The following IGFL2 variants were observed in gnomAD, a reference collection of about 807,000 sequenced individuals.
The protein encoded by IGFL2 is insulin growth factor-like family member 2.
Under a neutral mutation model 13.9 loss-of-function variants are expected in IGFL2, and 7 were observed. That is an observed-to-expected ratio of 0.51 (90% CI 0.29 to 0.95). The LOEUF (loss-of-function observed/expected upper bound fraction) is 0.95. Ranked by LOEUF, IGFL2 falls within the 40% of genes least tolerant of loss-of-function variation. The probability of loss-of-function intolerance (pLI) is 0.08; values close to 1 mark genes in which losing one functional copy is unlikely to be tolerated. For missense variants in IGFL2, 138 were observed against 147.8 expected (o/e 0.93, Z 0.34); for synonymous variants, 55 against 55.8 (o/e 0.99, Z 0.07).
Position 46,160,749 on chromosome 19 carries a change from G to A in IGFL2, c.209G>A (p.Cys70Tyr), listed in dbSNP as rs771621679. ...GAGACCCGCCAATGTGGTCCCCCCT[G>A]CACCTTCTGGCCCTGCTTTGAGCTC... ...LSETRQCGPP[C>Y]TFWPCFELCC... is the part of the protein sequence containing the mutation. The change falls in exon 3 of 4, where the codon TGC becomes TAC. Residue 70 changes from cysteine to tyrosine, a missense_variant. By Grantham distance (194) the Cys-to-Tyr change is radical. Transcript: ENST00000377693. 1 of 1,614,038 alleles carries A rather than the reference G, an allele frequency of 6.2e-7. No individual in the cohort carries two copies. Among genetic ancestry groups the A allele is most frequent in the Admixed American group, 1.7e-5 (1 of 60,014 alleles).
At chr19:46,200,472 C>CT in the IGFL2 span, among the ~76,000 whole-genome samples, 3 of 48,544 alleles carry the variant, frequency 6.2e-5, no homozygotes, top group Middle Eastern at 0.014. Context: ...CCACACCTGG[C>CT]CCTTTTCTTT....
the IGFL2 span, among the ~76,000 whole-genome samples, chr19:46,199,418 G>A: frequency 1.3e-5 from 2 of 152,192 alleles, no homozygotes; most frequent in Non-Finnish European, 2.9e-5. Context: ...ACAATGGATT[G>A]GATAGGGTTG....
chr19:46,093,516 T>C, the IGFL2 span, among the ~76,000 whole-genome samples: 1 of 152,200 alleles, frequency 6.6e-6, no homozygotes, highest in Admixed American at 6.5e-5. Context: ...CTATTTTCAC[T>C]ACTTCTATTC....
the IGFL2 span, among the ~76,000 whole-genome samples, chr19:46,081,201 C>G: frequency 6.6e-6 from 1 of 152,028 alleles, no homozygotes; most frequent in African/African-American, 2.4e-5. Context: ...GTGAAGGCAC[C>G]CTGATTGCAT....
At chr19:46,185,423 T>G in the IGFL2 span, among the ~76,000 whole-genome samples, 1 of 152,324 alleles carries the variant, frequency 6.6e-6, no homozygotes, top group South Asian at 2.1e-4. Context: ...TGGGGAGATT[T>G]AGGCACCCGC....
At chr19:46,118,888 A>G in the IGFL2 span, among the ~76,000 whole-genome samples, 1 of 152,170 alleles carries the variant, frequency 6.6e-6, no homozygotes, top group Non-Finnish European at 1.5e-5. Context: ...GTTTAAGTTC[A>G]GGCTGTGCCC....
chr19:46,119,193 C>T, the IGFL2 span, among the ~76,000 whole-genome samples: 5 of 152,116 alleles, frequency 3.3e-5, no homozygotes, highest in East Asian at 3.9e-4. Flanking sequence ...ACAGGGTAGT[C>T]CAAGCTCTCC....
At chr19:46,126,001 A>G in the IGFL2 span, among the ~76,000 whole-genome samples, 1 of 152,182 alleles carries the variant, frequency 6.6e-6, no homozygotes, top group Non-Finnish European at 1.5e-5. Flanking sequence ...TTGAAGGGAT[A>G]ATTTTTAATG....
the IGFL2 span, among the ~76,000 whole-genome samples, chr19:46,184,153 T>C: frequency 6.6e-6 from 1 of 152,244 alleles, no homozygotes; most frequent in African/African-American, 2.4e-5. Flanking sequence ...TCAACACATG[T>C]ATAATTTTGC....
chr19:46,157,760 A>G (rs1480582847), intron 1 of IGFL2, among the ~76,000 whole-genome samples: 1 of 152,208 alleles, frequency 6.6e-6, no homozygotes, highest in East Asian at 1.9e-4. Flanking sequence ...TATTCAGTGT[A>G]TTGCTGGACA....
At chr19:46,094,162 G>A in the IGFL2 span, among the ~76,000 whole-genome samples, 1 of 151,092 alleles carries the variant, frequency 6.6e-6, no homozygotes, top group Non-Finnish European at 1.5e-5. Flanking sequence ...GCAAAGTTTA[G>A]GGACCTGATT....
chr19:46,110,889 C>T, the IGFL2 span, among the ~76,000 whole-genome samples: 1 of 152,018 alleles, frequency 6.6e-6, no homozygotes, highest in Non-Finnish European at 1.5e-5. Flanking sequence ...ATTAATGTTT[C>T]ATTCTGTATT....
chr19:46,101,887 C>T, the IGFL2 span, among the ~76,000 whole-genome samples: 3 of 152,130 alleles, frequency 2.0e-5, no homozygotes, highest in East Asian at 1.9e-4. Context: ...GGCTAGGTAA[C>T]ATTGAGGTGG....
At chr19:46,090,856 G>T in the IGFL2 span, among the ~76,000 whole-genome samples, 1 of 152,170 alleles carries the variant, frequency 6.6e-6, no homozygotes, top group African/African-American at 2.4e-5. Context: ...TGGGTTGAGC[G>T]GTTGCAGGGG....
At position 46,156,865 on chromosome 19, in the gene IGFL2, G is replaced by T. The variant is rs75838852; in HGVS notation, c.20-3550G>T. Among the ~76,000 whole-genome samples, 50 of 152,172 alleles carry T rather than the reference G, an allele frequency of 3.3e-4. No individual in the cohort carries two copies. In the East Asian group the frequency reaches 9.1e-3, roughly 28 times the overall value. ...AAATAAAGAGTTAATTCTTTGAAAAGATCAATAATCTTTTGATAGTTTTAG... is the reference window on the plus strand; with the variant it reads ...AAATAAAGAGTTAATTCTTTGAAAATATCAATAATCTTTTGATAGTTTTAG... On this transcript the variant is annotated intron_variant, in intron 1 of 3. Transcript: ENST00000377693.
Position 46,161,176 on chromosome 19 carries a change from A to G in IGFL2, c.*88A>G. ...TGTGTACCAGTAGAGAAGCCTGAGG[A>G]ATTTACAAAATGATGCAGCTCCAAG... On this transcript the variant is annotated 3_prime_UTR_variant, in exon 4 of 4. Coordinates refer to ENST00000377693, the MANE Select transcript of IGFL2 (RefSeq NM_001135113.2). The G allele has an allele frequency of 1.0e-6, 1 of 1,000,910 alleles. No homozygotes were observed. The highest frequency in any genetic ancestry group is 1.5e-6 in the Non-Finnish European group (1 of 659,248). The allele number at this position is 1,000,910 out of a possible 1,614,324, so 62.0% of individuals were successfully genotyped here.
At chr19:46,078,840 C>A in the IGFL2 span, among the ~76,000 whole-genome samples, 2,053 of 150,066 alleles carry the variant, frequency 0.014, 337 homozygotes, top group Middle Eastern at 0.031. Context: ...GCGCAGGCGT[C>A]GTCAGTAGAC....
chr19:46,117,091 A>AT, the IGFL2 span, among the ~76,000 whole-genome samples: 33 of 152,024 alleles, frequency 2.2e-4, no homozygotes, highest in Non-Finnish European at 1.0e-4. Flanking sequence ...TATTTTGACT[A>AT]TTTTTTTCTC....
At chr19:46,193,544 T>C in the IGFL2 span, among the ~76,000 whole-genome samples, 2 of 152,038 alleles carry the variant, frequency 1.3e-5, no homozygotes, top group African/African-American at 4.8e-5. Flanking sequence ...GTGCTTCCTT[T>C]CAGTAAAAAG....
Sources: gnomAD v4.1 joint callset for allele counts (sites outside exome capture counted in the v4.1 genomes callset) on GRCh38, gnomAD v4.1.1 for gene constraint, MANE v1.5 for transcripts, NCBI Gene and HGNC (gene_info 2026-07-23, HGNC 2026-07-21) for gene names.